Variants in ZNF536 observed in about 807,000 individuals in gnomAD.
ZNF536 encodes zinc finger protein 536.
Under a neutral mutation model 84.5 loss-of-function variants are expected in ZNF536, and 13 were observed. The observed-to-expected ratio is 0.15, with a 90% CI of 0.10 to 0.24. The LOEUF (loss-of-function observed/expected upper bound fraction) is 0.24, where lower values mean the gene tolerates loss of function less well. ZNF536 is among the 10% of genes least tolerant of loss of function. The pLI is 1.00. For synonymous variants in ZNF536, 811 were observed against 742.5 expected (o/e 1.09, Z -1.50); for missense variants, 1,536 against 1,747.5 (o/e 0.88, Z 2.16).
intron 1 of ZNF536, 46 bp from the exon 2 acceptor site, chr19:30,443,515 C>CCA: frequency 6.7e-7 from 1 of 1,500,852 alleles, no homozygotes; most frequent in Non-Finnish European, 8.9e-7. Flanking sequence ...ATTCATGGCG[C>CCA]CACAGCCGCA....
chr19:30,427,248 G>A (rs1448424340), intron 1 of ZNF536, among the ~76,000 whole-genome samples: 1 of 152,202 alleles, frequency 6.6e-6, no homozygotes, highest in Non-Finnish European at 1.5e-5. Context: ...ACATCTCTGT[G>A]CAAGGACAGA....
chr19:30,228,086 G>T (rs2022722784), upstream of ZNF536, among the ~76,000 whole-genome samples: 1 of 151,996 alleles, frequency 6.6e-6, no homozygotes, highest in Admixed American at 6.5e-5. The surrounding 1 kb of genome is among the most constrained non-coding windows in gnomAD (Gnocchi z 4.5). Context: ...GGAAGGGGTG[G>T]TGAGACTGGG....
chr19:30,484,683 TTC>T (rs1555779788), intron 2 of ZNF536, among the ~76,000 whole-genome samples: 6 of 138,208 alleles, frequency 4.3e-5, no homozygotes, highest in East Asian at 2.1e-4. Flanking sequence ...CTTCTTCTTC[TTC>T]TTTTTTTTTT....
intron 2 of ZNF536, among the ~76,000 whole-genome samples, chr19:30,342,229 C>T (rs547996275): frequency 1.3e-5 from 2 of 152,186 alleles, no homozygotes; most frequent in South Asian, 4.2e-4. Flanking sequence ...ATAAAAATTC[C>T]CATTGTTTGC....
intron 3 of ZNF536, among the ~76,000 whole-genome samples, chr19:30,356,741 C>T (rs1382509507): frequency 1.3e-5 from 2 of 152,206 alleles, no homozygotes; most frequent in African/African-American, 2.4e-5. Context: ...GAGTGGAGCT[C>T]ATTCTCGCAT....
chr19:30,599,043 C>T (rs2047577065), intron 1 of ZNF536, among the ~76,000 whole-genome samples: 1 of 116,362 alleles, frequency 8.6e-6, no homozygotes, highest in African/African-American at 3.4e-5. Context: ...CCCTTCCTTC[C>T]CTCTTTCCCC....
At chr19:30,464,370 G>A (rs768651119) in intron 2 of ZNF536, among the ~76,000 whole-genome samples, 2 of 152,106 alleles carry the variant, frequency 1.3e-5, no homozygotes, top group East Asian at 1.9e-4. Flanking sequence ...CTGGGCCCTC[G>A]AGGGGTAAAG....
chr19:30,689,139 C>T (rs1477783081), intron 1 of ZNF536, among the ~76,000 whole-genome samples: 1 of 152,240 alleles, frequency 6.6e-6, no homozygotes, highest in Non-Finnish European at 1.5e-5. Flanking sequence ...GAAAGAGGGA[C>T]TTGTTCCAGG....
intron 2 of ZNF536, among the ~76,000 whole-genome samples, chr19:30,350,788 C>A: frequency 6.6e-6 from 1 of 152,090 alleles, no homozygotes; most frequent in East Asian, 1.9e-4. Context: ...ATAAAATTGT[C>A]CCTTGCAGAG....
intron 2 of ZNF536, among the ~76,000 whole-genome samples, chr19:30,305,931 G>A (rs1243359193): frequency 1.3e-5 from 2 of 152,326 alleles, no homozygotes; most frequent in South Asian, 2.1e-4. Context: ...GGATCCTCCC[G>A]ACGTATTTAG....
intron 2 of ZNF536, among the ~76,000 whole-genome samples, chr19:30,483,329 T>G (rs745961062): frequency 4.6e-5 from 7 of 152,132 alleles, no homozygotes; most frequent in Non-Finnish European, 8.8e-5. Flanking sequence ...TTCTGGGAAA[T>G]GCATCAGAGT....
At chr19:30,250,538 A>G (rs961579082) in intron 1 of ZNF536, among the ~76,000 whole-genome samples, 1 of 152,046 alleles carries the variant, frequency 6.6e-6, no homozygotes, top group African/African-American at 2.4e-5. Flanking sequence ...GGTCTTGGGG[A>G]AAGTGGCTGG....
chr19:30,390,782 G>A (rs1006177893), intron 1 of ZNF536, among the ~76,000 whole-genome samples: 1 of 152,180 alleles, frequency 6.6e-6, no homozygotes, highest in Non-Finnish European at 1.5e-5. Flanking sequence ...GGAGGCCGGA[G>A]CTCTTGGCAT....
chr19:30,230,047 A>G (rs1423838871), intron 1 of ZNF536, among the ~76,000 whole-genome samples: 1 of 152,188 alleles, frequency 6.6e-6, no homozygotes, highest in Non-Finnish European at 1.5e-5. Flanking sequence ...CATGTGACCA[A>G]TGGCAGGGAC....
intron 2 of ZNF536, among the ~76,000 whole-genome samples, chr19:30,526,716 T>A (rs1599694951): frequency 1.3e-5 from 1 of 74,596 alleles, no homozygotes. Context: ...AGAGCGAGAC[T>A]CCGTCTCAAA....
intron 3 of ZNF536, among the ~76,000 whole-genome samples, chr19:30,361,169 C>T (rs1198514293): frequency 6.6e-6 from 1 of 151,320 alleles, no homozygotes; most frequent in Non-Finnish European, 1.5e-5. Context: ...AAGATGAAAC[C>T]AAAAAAAAAG....
intron 2 of ZNF536, among the ~76,000 whole-genome samples, chr19:30,344,677 T>A (rs1298444131): frequency 8.6e-5 from 2 of 23,322 alleles, no homozygotes; most frequent in Non-Finnish European, 1.4e-4. Context: ...AGGCAGGCCA[T>A]TTTTTTTTAA....
chr19:30,402,090 T>C (rs2050067113), intron 1 of ZNF536, among the ~76,000 whole-genome samples: 1 of 152,268 alleles, frequency 6.6e-6, no homozygotes, highest in African/African-American at 2.4e-5. Context: ...GCCTCAGCTA[T>C]GATTTTTCTA....
chr19:30,406,192 C>G (rs1413423773), intron 1 of ZNF536, among the ~76,000 whole-genome samples: 1 of 152,206 alleles, frequency 6.6e-6, no homozygotes, highest in Non-Finnish European at 1.5e-5. Context: ...GAGACACAAT[C>G]ATTGTTAACA....
Sources: allele counts gnomAD v4.1 joint callset (sites outside exome capture counted in the v4.1 genomes callset), GRCh38; gene constraint gnomAD v4.1.1; non-coding constraint Gnocchi (gnomAD v3.1); transcripts MANE v1.5; gene names NCBI Gene and HGNC (gene_info 2026-07-23, HGNC 2026-07-21).